DCC: variants seen among roughly 807,000 people sequenced by gnomAD.
DCC encodes netrin receptor DCC.
Under a neutral mutation model 172.5 loss-of-function variants are expected in DCC, and 58 were observed. The observed-to-expected ratio is 0.34, with a 90% CI of 0.27 to 0.42. The LOEUF (loss-of-function observed/expected upper bound fraction) is 0.42, where lower values mean the gene tolerates loss of function less well. Ranked by LOEUF, DCC falls within the 10% of genes least tolerant of loss-of-function variation. The probability of loss-of-function intolerance (pLI) is 1.00; values close to 1 mark genes in which losing one functional copy is unlikely to be tolerated. For missense variants in DCC, 1,740 were observed against 1,791.0 expected (o/e 0.97, Z 0.51); for synonymous variants, 709 against 644.5 (o/e 1.10, Z -1.52).
chr18:52,841,800 T>C (rs1371419508), intron 2 of DCC, among the ~76,000 whole-genome samples: 1 of 151,934 alleles, frequency 6.6e-6, no homozygotes, highest in Admixed American at 6.6e-5. Context: ...TTTTTGCCAT[T>C]CCCCCCTCCT....
chr18:52,947,951 G>A (rs773463667), intron 5 of DCC, among the ~76,000 whole-genome samples: 1 of 152,126 alleles, frequency 6.6e-6, no homozygotes, highest in African/African-American at 2.4e-5. Flanking sequence ...TGAAAGACAA[G>A]CGTCCACAAT....
intron 7 of DCC, among the ~76,000 whole-genome samples, chr18:53,140,489 T>C (rs2043814106): frequency 6.6e-6 from 1 of 152,162 alleles, no homozygotes; most frequent in South Asian, 2.1e-4. Flanking sequence ...CCCCCAAATA[T>C]AATAGAGTCT....
chr18:53,084,501 G>T (rs558422248), intron 7 of DCC, among the ~76,000 whole-genome samples: 2 of 152,228 alleles, frequency 1.3e-5, no homozygotes, highest in African/African-American at 4.8e-5. Flanking sequence ...ATGAGTTGCT[G>T]CTCTCTGGTG....
intron 15 of DCC, among the ~76,000 whole-genome samples, chr18:53,343,128 A>T (rs967296255): frequency 7.9e-5 from 12 of 151,746 alleles, no homozygotes; most frequent in Admixed American, 3.9e-4. Flanking sequence ...AGAAAGTTTT[A>T]TATTTAGTTT....
chr18:53,289,471 C>A (rs1282516055), intron 12 of DCC, among the ~76,000 whole-genome samples: 3 of 152,016 alleles, frequency 2.0e-5, no homozygotes, highest in Non-Finnish European at 4.4e-5. Context: ...TTTAAGTAAA[C>A]CTGATTTACC....
chr18:53,267,189 GAGAC>G (rs2056688490), intron 12 of DCC, among the ~76,000 whole-genome samples: 1 of 151,746 alleles, frequency 6.6e-6, no homozygotes, highest in Non-Finnish European at 1.5e-5. Context: ...GACAGAGACA[GAGAC>G]AGACATAGAC....
rs74180422 is a variant in DCC, at chr18:53,407,528, G to GATATATATATATATATATATATAT, written c.2936-2919_2936-2896dup. ...TATATCTCCAGTGATTTTTATTCTGGATATATATATATATATATATATATA... is the reference window on the plus strand; with the variant it reads ...TATATCTCCAGTGATTTTTATTCTGGATATATATATATATATATATATATATATATATATATATATATATATATA... On this transcript the variant is annotated intron_variant, in intron 19 of 28. Coordinates refer to ENST00000442544, the MANE Select transcript of DCC (RefSeq NM_005215.4). 1.1e-3 allele frequency among the ~76,000 whole-genome samples: 125 copies of GATATATATATATATATATATATAT among 117,396 alleles called. 1 individual carries two copies. Among genetic ancestry groups the GATATATATATATATATATATATAT allele is most frequent in the East Asian group, 2.9e-3 (9 of 3,076 alleles). The allele number at this position is 117,396 out of a possible 152,430, so 77.0% of individuals were successfully genotyped here.
At chr18:52,826,894 T>C (rs900172095) in intron 2 of DCC, among the ~76,000 whole-genome samples, 1 of 152,244 alleles carries the variant, frequency 6.6e-6, no homozygotes, top group African/African-American at 2.4e-5. Context: ...GTACTGAACA[T>C]GTAAATACTT....
chr18:53,172,874 A>T (rs1212837747), intron 8 of DCC, among the ~76,000 whole-genome samples: 1 of 152,108 alleles, frequency 6.6e-6, no homozygotes, highest in Non-Finnish European at 1.5e-5. Flanking sequence ...TCCAGATTTC[A>T]TTCTTAAGTG....
At chr18:52,638,941 A>G (rs1598977177) in intron 1 of DCC, among the ~76,000 whole-genome samples, 1 of 151,976 alleles carries the variant, frequency 6.6e-6, no homozygotes, top group East Asian at 1.9e-4. Context: ...TCCAAGATAG[A>G]CCATATGACA....
chr18:53,428,568 TTATA>T (rs1458719598), intron 21 of DCC, among the ~76,000 whole-genome samples: 1 of 47,780 alleles, frequency 2.1e-5, no homozygotes, highest in South Asian at 6.9e-4. Context: ...ATATATATAT[TTATA>T]TATATAAAAT....
chr18:53,105,344 G>C (rs892916684), intron 7 of DCC, among the ~76,000 whole-genome samples: 3 of 151,900 alleles, frequency 2.0e-5, no homozygotes, highest in Admixed American at 2.0e-4. Context: ...GGGCCACAAG[G>C]GCTGTTAGAT....
At chr18:53,164,987 A>G (rs2144420374) in intron 8 of DCC, among the ~76,000 whole-genome samples, 1 of 152,342 alleles carries the variant, frequency 6.6e-6, no homozygotes, top group African/African-American at 2.4e-5. Context: ...TTTCTAGTCC[A>G]GTGATCTCTT....
intron 1 of DCC, among the ~76,000 whole-genome samples, chr18:52,690,877 C>T (rs926519390): frequency 1.3e-5 from 2 of 152,006 alleles, no homozygotes; most frequent in Non-Finnish European, 2.9e-5. Context: ...GGTGTTTTGT[C>T]TCAAGGGGCT....
intron 25 of DCC, among the ~76,000 whole-genome samples, chr18:53,477,484 G>T (rs375799337): frequency 6.6e-6 from 1 of 151,994 alleles, no homozygotes; most frequent in Non-Finnish European, 1.5e-5. Flanking sequence ...CACTTACTGG[G>T]GTATCAAGCC....
In DCC at chr18:52,840,323, C is replaced by G. The variant is rs144384129; in HGVS notation, c.413-65721C>G. Among the ~76,000 whole-genome samples, 4 of 152,158 alleles carry G rather than the reference C, an allele frequency of 2.6e-5. No homozygotes were observed. The East Asian group carries it at 7.7e-4, about 29-fold the overall frequency. ...GATGCTTTCCTTTGATTTTTCCAAT[C>G]ATAGTCTCATGGTCTATCACCATGA... On this transcript the variant is annotated intron_variant, in intron 2 of 28. Transcript: ENST00000442544.
intron 7 of DCC, among the ~76,000 whole-genome samples, chr18:53,093,637 TATTTA>T (rs1171833248): frequency 6.6e-6 from 1 of 152,198 alleles, no homozygotes; most frequent in Non-Finnish European, 1.5e-5. Context: ...TATTGACACC[TATTTA>T]ATTTATCTTC....
intron 1 of DCC, among the ~76,000 whole-genome samples, chr18:52,391,018 T>G (rs536967709): frequency 6.0e-4 from 91 of 152,222 alleles, no homozygotes; most frequent in South Asian, 1.4e-3. Context: ...ACAGATTTTT[T>G]TTTGTGTGTG....
chr18:53,119,510 A>G (rs1362284491), intron 7 of DCC, among the ~76,000 whole-genome samples: 1 of 151,874 alleles, frequency 6.6e-6, no homozygotes, highest in Non-Finnish European at 1.5e-5. Context: ...TGTAGAAATT[A>G]GAAACCTTAG....
Sources: gnomAD v4.1 joint callset for allele counts (sites outside exome capture counted in the v4.1 genomes callset) on GRCh38, gnomAD v4.1.1 for gene constraint, MANE v1.5 for transcripts, NCBI Gene and HGNC (gene_info 2026-07-23, HGNC 2026-07-21) for gene names.